The following SEPTIN8 variants were observed in gnomAD, a reference collection of about 807,000 sequenced individuals.
The protein encoded by SEPTIN8 is septin 8.
SEPTIN8 carries 22 observed loss-of-function variants against 53.1 expected under a neutral mutation model. That is an observed-to-expected ratio of 0.41 (90% CI 0.30 to 0.59). The LOEUF is 0.59. Ranked by LOEUF, SEPTIN8 falls within the 20% of genes least tolerant of loss-of-function variation. SEPTIN8 has a pLI of 0.24. For missense variants in SEPTIN8, 536 were observed against 638.7 expected, an observed-to-expected ratio of 0.84 and a Z score of 1.73; for synonymous variants, 228 against 248.4, an observed-to-expected ratio of 0.92 and a Z score of 0.77.
intron 9 of SEPTIN8, chr5:132,754,159 C>T (rs947359905): frequency 4.6e-6 from 2 of 437,356 alleles, no homozygotes; most frequent in Non-Finnish European, 8.2e-6. Context: ...ACTTTAATTG[C>T]TTCCGATCCT....
chr5:132,758,669 G>C, intron 9 of SEPTIN8: 1 of 1,593,498 alleles, frequency 6.3e-7, no homozygotes, highest in South Asian at 1.1e-5. Flanking sequence ...AGGGTCGGTG[G>C]GAGGAAAGCA....
rs555047410 is a variant in SEPTIN8 at position 132,770,482 on chromosome 5, GA to G, written c.31-4954del. Among the ~76,000 whole-genome samples the G allele has an allele frequency of 1.6e-4, 25 of 152,064 alleles. No homozygotes were observed. In the East Asian group the frequency reaches 4.3e-3, roughly 26 times the overall value. ...GGTGTGAGCCACCATGCCTGGCCCA[GA>G]AATCTATATTTTTATGTGAAATTCT... On this transcript the variant is annotated intron_variant, in intron 1 of 9. Transcript: ENST00000378719.
At chr5:132,757,583 G>T in intron 9 of SEPTIN8, 1 of 985,382 alleles carries the variant, frequency 1.0e-6, no homozygotes, top group Non-Finnish European at 1.2e-6. Flanking sequence ...CTCCTTGAGG[G>T]GAGCGTTGTG....
chr5:132,754,581 G>C, intron 9 of SEPTIN8: 1 of 713,774 alleles, frequency 1.4e-6, no homozygotes, highest in Non-Finnish European at 2.6e-6. Flanking sequence ...ACAACCTTCT[G>C]CTCTGGCTTT....
upstream of SEPTIN8, among the ~76,000 whole-genome samples, chr5:132,780,037 C>A (rs185921100): frequency 2.2e-3 from 332 of 152,280 alleles, 1 homozygote; most frequent in African/African-American, 5.8e-3. Flanking sequence ...CTCTCATGGT[C>A]CAATATGGTG....
chr5:132,756,054 A>G (rs776522290), intron 9 of SEPTIN8: 30 of 985,326 alleles, frequency 3.0e-5, no homozygotes, highest in Non-Finnish European at 3.5e-5. Flanking sequence ...AGTGAATGGA[A>G]AAGAACAAAA....
chr5:132,767,968 C>G (rs1237971063), intron 1 of SEPTIN8, among the ~76,000 whole-genome samples: 1 of 151,252 alleles, frequency 6.6e-6, no homozygotes, highest in African/African-American at 2.4e-5. Flanking sequence ...CACACACACA[C>G]ACACACACAC....
At chr5:132,758,545 C>T (rs1285806986) in intron 9 of SEPTIN8, 1 of 1,613,452 alleles carries the variant, frequency 6.2e-7, no homozygotes, top group Admixed American at 1.7e-5. Flanking sequence ...AATGGAAGAC[C>T]AGCCACTGGC....
chr5:132,771,405 G>A (rs1308945698), intron 1 of SEPTIN8, among the ~76,000 whole-genome samples: 3 of 152,182 alleles, frequency 2.0e-5, no homozygotes, highest in Non-Finnish European at 4.4e-5. Context: ...ACCGAGTAAT[G>A]GACAAAGAGC....
chr5:132,758,496 C>T (rs377670560), intron 9 of SEPTIN8: 19 of 1,612,248 alleles, frequency 1.2e-5, no homozygotes, highest in South Asian at 3.3e-5. Context: ...TTCGCTAGAG[C>T]GGCACATAAC....
intron 1 of SEPTIN8, among the ~76,000 whole-genome samples, chr5:132,774,945 G>C (rs1561776586): frequency 1.3e-5 from 2 of 152,186 alleles, no homozygotes; most frequent in African/African-American, 4.8e-5. Flanking sequence ...AGGGTGAATG[G>C]AGTCCAGACT....
chr5:132,764,349 G>A lies in SEPTIN8; in HGVS notation c.222C>T (p.Ala74=), dbSNP rs765396523. 41 of 1,614,104 alleles carry A rather than the reference G, an allele frequency of 2.5e-5. No homozygotes were observed. The South Asian group carries it at 4.4e-4, about 17-fold the overall frequency. The change falls in exon 3 of 10, where the codon GCC becomes GCT. Residue 74 remains alanine, a synonymous_variant. Coordinates refer to ENST00000378719, the MANE Select transcript of SEPTIN8 (RefSeq NM_001098811.2). ...GGCGCACGCATGCCTCATGGTGACT[G>A]GCTTCCTCAGTCTCGAAGGTCGTGT... ...LFNTTFETEE[A]SHHEACVRLR...
chr5:132,777,664 G>A, upstream of SEPTIN8: 1 of 985,582 alleles, frequency 1.0e-6, no homozygotes, highest in Non-Finnish European at 1.2e-6. The surrounding 1 kb of genome is among the most constrained non-coding windows in gnomAD (Gnocchi z 4.1). Context: ...CAAATGTGCT[G>A]GGACCACCAA....
At chr5:132,763,183 C>T (rs1265982715) in intron 4 of SEPTIN8, among the ~76,000 whole-genome samples, 1 of 152,188 alleles carries the variant, frequency 6.6e-6, no homozygotes, top group East Asian at 1.9e-4. Context: ...TCCAGTCCTT[C>T]CCATGAAGCT....
rs1402088575 is a variant in SEPTIN8 at position 132,757,751 on chromosome 5, A to C, written c.1286+3051T>G. ...AACCAACAGGAGCATAGAAGAGTCA[A>C]AGCTGCTAGTACTTCCTTAAAATGT... On this transcript the variant is annotated intron_variant, in intron 9 of 9. Coordinates refer to ENST00000378719, the MANE Select transcript of SEPTIN8 (RefSeq NM_001098811.2). 6.1e-6 allele frequency: 6 copies of C among 985,314 alleles called. No homozygotes were observed. The Admixed American group carries it at 3.7e-4, about 61-fold the overall frequency. 61.0% of individuals were successfully genotyped at this position (985,314 alleles called of 1,614,324 possible). A position where few individuals can be genotyped will look rare whatever the true frequency, so the allele number is the denominator to read the frequency against.
rs538556212 is a variant in SEPTIN8, at chr5:132,762,344, G to A, written c.696+140C>T. 1.4e-4 allele frequency: 114 copies of A among 807,454 alleles called. 1 individual carries two copies. The Middle Eastern group carries it at 1.5e-3, about 10-fold the overall frequency. 50.0% of individuals were successfully genotyped at this position (807,454 alleles called of 1,614,324 possible). ...CTGCCCACAGATGTAGGACTGGCCAGCTCCAGATGCCCACCCTTCTGTCCT... is the reference window on the plus strand; with the variant it reads ...CTGCCCACAGATGTAGGACTGGCCAACTCCAGATGCCCACCCTTCTGTCCT... On this transcript the variant is annotated intron_variant, in intron 5 of 9. Coordinates refer to ENST00000378719, the MANE Select transcript of SEPTIN8 (RefSeq NM_001098811.2).
rs143573597 is a variant in SEPTIN8, at chr5:132,767,095, C to G, written c.31-1566G>C. The stretch of plus-strand genomic sequence containing the variant: ...TCCCATGACTCTCTCTCAACGGAGC[C>G]TCTTTTCTTATAGCTGACCCTTTCT... On this transcript the variant is annotated intron_variant, in intron 1 of 9. Transcript: ENST00000378719. Among the ~76,000 whole-genome samples the G allele has an allele frequency of 6.9e-3, 1,048 of 152,250 alleles. 12 individuals are homozygous for G. The highest frequency in any genetic ancestry group is 0.023 in the African/African-American group (969 of 41,538).
At position 132,761,096 on chromosome 5, in the gene SEPTIN8, TCAGCTTCCCCATCCCAGCCCC is replaced by T. The variant is rs1222220294; in HGVS notation, c.1095+16_1095+36del. The T allele has an allele frequency of 6.2e-7, 1 of 1,613,128 alleles. No homozygotes were observed. The stretch of plus-strand genomic sequence containing the variant: ...TACCCTCAGCCAGGCCTTCCCTCCC[TCAGCTTCCCCATCCCAGCCCC>T]CAGCCTGGCACATACCTCCCTTTCC... On this transcript the variant is annotated intron_variant, in intron 8 of 9. Coordinates refer to ENST00000378719, the MANE Select transcript of SEPTIN8 (RefSeq NM_001098811.2). This position sits in a 1 kb window ranked among gnomAD's most constrained non-coding sequence, Gnocchi z 5.8.
intron 2 of SEPTIN8, among the ~76,000 whole-genome samples, chr5:132,764,934 G>T (rs1398837874): frequency 6.6e-6 from 1 of 151,984 alleles, no homozygotes; most frequent in Non-Finnish European, 1.5e-5. Flanking sequence ...GGGACCAGAA[G>T]AGCACTTTGT....
Sources: allele counts gnomAD v4.1 joint callset (sites outside exome capture counted in the v4.1 genomes callset), GRCh38; gene constraint gnomAD v4.1.1; non-coding constraint Gnocchi (gnomAD v3.1); transcripts MANE v1.5; gene names NCBI Gene and HGNC (gene_info 2026-07-23, HGNC 2026-07-21).